GPC6: variants seen among roughly 807,000 people sequenced by gnomAD.
GPC6 encodes the protein glypican-6.
In GPC6, 14 loss-of-function variants were observed where a neutral mutation model predicts 55.2. That is an observed-to-expected ratio of 0.25 (90% confidence interval 0.17 to 0.40). GPC6 has a LOEUF of 0.40. Among genes scored for constraint, GPC6 ranks in the 10% least tolerant of loss-of-function variants. GPC6 has a pLI of 1.00. For synonymous variants in GPC6, 278 were observed against 259.6 expected (o/e 1.07, Z -0.68); for missense variants, 641 against 708.5 (o/e 0.90, Z 1.08).
chr13:94,112,344 A>G (rs1312606817), intron 4 of GPC6, among the ~76,000 whole-genome samples: 5 of 152,180 alleles, frequency 3.3e-5, no homozygotes, highest in Non-Finnish European at 7.4e-5. Flanking sequence ...TTAACAATCT[A>G]CCGCCTTCCT....
intron 4 of GPC6, among the ~76,000 whole-genome samples, chr13:94,033,741 T>C (rs537327520): frequency 6.6e-6 from 1 of 152,278 alleles, no homozygotes; most frequent in South Asian, 2.1e-4. Flanking sequence ...TGAAATACCA[T>C]GTTACAAAAA....
In GPC6 at chr13:94,007,131, A is replaced by C. The variant is rs117978847; in HGVS notation, c.712-20598A>C. Among the ~76,000 whole-genome samples, 1,014 of 152,332 alleles carry C rather than the reference A, an allele frequency of 6.7e-3. 9 individuals carry two copies. Among genetic ancestry groups the C allele is most frequent in the Middle Eastern group, 0.02 (6 of 294 alleles). ...ATCTTAGATCCAATCACCTTCCTTC[A>C]GATTCCTGAAATCCATCTCACGTCA... On this transcript the variant is annotated intron_variant, in intron 3 of 8. Coordinates refer to ENST00000377047, the MANE Select transcript of GPC6 (RefSeq NM_005708.5).
At chr13:93,418,360 G>A (rs768080617) in intron 1 of GPC6, among the ~76,000 whole-genome samples, 9 of 149,916 alleles carry the variant, frequency 6.0e-5, no homozygotes, top group Non-Finnish European at 1.0e-4. Flanking sequence ...TATTAATAAT[G>A]CTATACCATA....
At chr13:94,365,718 T>C (rs760627657) in intron 6 of GPC6, among the ~76,000 whole-genome samples, 2 of 152,230 alleles carry the variant, frequency 1.3e-5, no homozygotes, top group Non-Finnish European at 2.9e-5. Context: ...GTGGGTACTC[T>C]CACTGTTGGA....
intron 4 of GPC6, among the ~76,000 whole-genome samples, chr13:94,280,712 G>A (rs1205472706): frequency 6.6e-6 from 1 of 152,086 alleles, no homozygotes; most frequent in African/African-American, 2.4e-5. Flanking sequence ...ATGCTTCTCA[G>A]TGGGGAAAAT....
rs1310949547 is a variant in GPC6, at chr13:94,403,733, A to T, written c.*516A>T. 1 of 195,494 alleles carries T rather than the reference A, an allele frequency of 5.1e-6. No individual in the cohort carries two copies. The highest frequency in any genetic ancestry group is 9.9e-5 in the South Asian group (1 of 10,128). 12.1% of individuals were successfully genotyped at this position (195,494 alleles called of 1,614,324 possible). ...GCTTTTTTGTGACAAATCCGGGTTT[A>T]AAAATGCTTATGGGGAGAAAGCTTA... is the stretch of plus-strand genomic sequence containing the variant. On this transcript the variant is annotated 3_prime_UTR_variant, in exon 9 of 9. Transcript: ENST00000377047.
intron 4 of GPC6, among the ~76,000 whole-genome samples, chr13:94,105,246 C>A (rs1266929492): frequency 2.0e-5 from 3 of 152,118 alleles, no homozygotes; most frequent in African/African-American, 7.2e-5. Context: ...GCAGTCCCAG[C>A]AACTCAGGAG....
upstream of GPC6, among the ~76,000 whole-genome samples, chr13:93,225,345 A>G (rs546710730): frequency 3.6e-3 from 554 of 152,322 alleles, 6 homozygotes; most frequent in African/African-American, 0.012. Context: ...TTTTATCTTG[A>G]TTTCCGACTT....
intron 6 of GPC6, among the ~76,000 whole-genome samples, chr13:94,374,282 G>A (rs1879730359): frequency 6.6e-6 from 1 of 151,734 alleles, no homozygotes; most frequent in Non-Finnish European, 1.5e-5. Context: ...ATTGGATGAA[G>A]AGTCAAGACC....
intron 2 of GPC6, among the ~76,000 whole-genome samples, chr13:93,777,667 AT>A: frequency 6.6e-6 from 1 of 152,192 alleles, no homozygotes; most frequent in Non-Finnish European, 1.5e-5. Context: ...GTTTACGTGA[AT>A]ACATTTAATT....
intron 4 of GPC6, among the ~76,000 whole-genome samples, chr13:94,057,505 T>A (rs1388908060): frequency 6.6e-6 from 1 of 152,188 alleles, no homozygotes; most frequent in Admixed American, 6.6e-5. Flanking sequence ...GTAAGTAGCA[T>A]AAGGTGAAAG....
chr13:94,382,855 C>T (rs1446057407), intron 7 of GPC6, among the ~76,000 whole-genome samples: 1 of 152,216 alleles, frequency 6.6e-6, no homozygotes, highest in Non-Finnish European at 1.5e-5. Flanking sequence ...TTCATGTTCA[C>T]TTAATGGCTT....
At chr13:93,237,659 A>T (rs924827853) in intron 1 of GPC6, among the ~76,000 whole-genome samples, 3 of 152,046 alleles carry the variant, frequency 2.0e-5, no homozygotes, top group African/African-American at 7.2e-5. Context: ...TGTCCAGAAG[A>T]GTTTTTCTTA....
intron 1 of GPC6, among the ~76,000 whole-genome samples, chr13:93,272,486 CTG>C (rs199765358): frequency 0.058 from 5,436 of 93,656 alleles, 324 homozygotes; most frequent in East Asian, 0.36. Flanking sequence ...GATTCATTGT[CTG>C]TGTGTATATA....
At chr13:94,151,224 T>C (rs1009587604) in intron 4 of GPC6, among the ~76,000 whole-genome samples, 5 of 152,000 alleles carry the variant, frequency 3.3e-5, no homozygotes, top group African/African-American at 9.7e-5. Flanking sequence ...ATGAAATATA[T>C]CAAGAAATGA....
intron 3 of GPC6, among the ~76,000 whole-genome samples, chr13:93,993,056 G>A (rs1008673316): frequency 2.6e-5 from 4 of 152,032 alleles, no homozygotes; most frequent in Non-Finnish European, 2.9e-5. Context: ...ATTTCAATAA[G>A]CCCTTAGAGC....
chr13:93,459,147 C>A (rs1231802224), intron 1 of GPC6, among the ~76,000 whole-genome samples: 1 of 152,304 alleles, frequency 6.6e-6, no homozygotes, highest in Admixed American at 6.5e-5. Context: ...CAGTCTTAAC[C>A]TCCTGGATTC....
chr13:93,315,219 G>A (rs192896480), intron 1 of GPC6, among the ~76,000 whole-genome samples: 2 of 151,932 alleles, frequency 1.3e-5, no homozygotes, highest in East Asian at 3.9e-4. Flanking sequence ...TTTATTTAAA[G>A]AGATATGTTG....
intron 2 of GPC6, among the ~76,000 whole-genome samples, chr13:93,679,165 A>G (rs1408286022): frequency 1.3e-5 from 2 of 152,180 alleles, no homozygotes; most frequent in African/African-American, 2.4e-5. Flanking sequence ...ATAGATAACA[A>G]TAGGAATAAT....
Sources: gnomAD v4.1 joint callset for allele counts (sites outside exome capture counted in the v4.1 genomes callset) on GRCh38, gnomAD v4.1.1 for gene constraint, MANE v1.5 for transcripts, NCBI Gene and HGNC (gene_info 2026-07-23, HGNC 2026-07-21) for gene names.